The following KCNQ1 variants were observed in gnomAD, a reference collection of about 807,000 sequenced individuals.
The protein encoded by KCNQ1 is potassium voltage-gated channel subfamily Q member 1.
Under a neutral mutation model 72.4 loss-of-function variants are expected in KCNQ1, and 49 were observed. The observed-to-expected ratio is 0.68, with a 90% CI of 0.54 to 0.86. KCNQ1 has a LOEUF of 0.86. KCNQ1 is among the 40% of genes least tolerant of loss of function. KCNQ1 has a pLI of 0.00. For missense variants in KCNQ1, 790 were observed against 945.1 expected (o/e 0.84, Z 2.15); for synonymous variants, 450 against 412.6 (o/e 1.09, Z -1.10).
At chr11:2,757,959 C>T (rs1846331459) in intron 11 of KCNQ1, among the ~76,000 whole-genome samples, 1 of 23,070 alleles carries the variant, frequency 4.3e-5, no homozygotes. Context: ...ACTCTGAAAC[C>T]TTTAGAAAAA....
intron 10 of KCNQ1, among the ~76,000 whole-genome samples, chr11:2,607,354 C>T (rs1208528593): frequency 2.0e-5 from 3 of 152,090 alleles, no homozygotes; most frequent in Non-Finnish European, 4.4e-5. Flanking sequence ...TCATTAATTG[C>T]TATAGACTGA....
intron 15 of KCNQ1, among the ~76,000 whole-genome samples, chr11:2,812,039 C>T (rs2134041248): frequency 6.6e-6 from 1 of 152,226 alleles, no homozygotes; most frequent in Non-Finnish European, 1.5e-5. Context: ...CGCCGGCCAC[C>T]CCTCAGCCCA....
At chr11:2,758,772 T>G (rs1457690330) in intron 11 of KCNQ1, among the ~76,000 whole-genome samples, 1 of 152,170 alleles carries the variant, frequency 6.6e-6, no homozygotes, top group Non-Finnish European at 1.5e-5. Flanking sequence ...ACGGGAATTG[T>G]GCTGAGGAGA....
rs1372603442 is a variant in KCNQ1, at chr11:2,482,718, A to AATAGAAT, written c.386+37237_386+37243dup. On this transcript the variant is annotated intron_variant, in intron 1 of 15. Coordinates refer to ENST00000155840, the MANE Select transcript of KCNQ1 (RefSeq NM_000218.3). The surrounding 1 kb of genome is among the most constrained non-coding windows in gnomAD (Gnocchi z 5.7). ...AACACTGCCATTATGATGAAGCAAA[A>AATAGAAT]ATAGAATATCCTTCCTCCTCTTAGT... is the stretch of plus-strand genomic sequence containing the variant. Among the ~76,000 whole-genome samples, 8 of 152,140 alleles carry AATAGAAT rather than the reference A, an allele frequency of 5.3e-5. No homozygotes were observed. Among genetic ancestry groups the AATAGAAT allele is most frequent in the African/African-American group, 1.9e-4 (8 of 41,416 alleles).
chr11:2,665,377 G>T (rs1356748300), intron 11 of KCNQ1: 2 of 398,018 alleles, frequency 5.0e-6, no homozygotes, highest in Non-Finnish European at 8.8e-6. Context: ...GACAAGAGGA[G>T]CCCTGTACCC....
Position 2,791,176 on chromosome 11 carries a change from G to C in KCNQ1, c.1794+13139G>C, listed in dbSNP as rs1290091255. ...ACTGCTTCAGAGAGAGGCTGGGATA[G>C]GACAGCAGGCGGCAGGGGCGTGTCA... On this transcript the variant is annotated intron_variant, in intron 15 of 15. Coordinates refer to ENST00000155840, the MANE Select transcript of KCNQ1 (RefSeq NM_000218.3). Among the ~76,000 whole-genome samples, 3 of 152,266 alleles carry C rather than the reference G, an allele frequency of 2.0e-5. No individual in the cohort carries two copies. In the East Asian group the frequency reaches 5.8e-4, roughly 29 times the overall value.
rs1847539997 is a variant in KCNQ1 at position 2,813,655 on chromosome 11, C to G, written c.1795-34112C>G. On this transcript the variant is annotated intron_variant, in intron 15 of 15. Coordinates refer to ENST00000155840, the MANE Select transcript of KCNQ1 (RefSeq NM_000218.3). This position sits in a 1 kb window ranked among gnomAD's most constrained non-coding sequence, Gnocchi z 4.4. ...GACCAACATCTCGGCTGATCCTGGT[C>G]TATTTTTAGTCGGTGGTGGGCTGTC... 6.6e-6 allele frequency among the ~76,000 whole-genome samples: 1 copy of G among 152,036 alleles called. No homozygotes were observed. Among genetic ancestry groups the G allele is most frequent in the African/African-American group, 2.4e-5 (1 of 41,402 alleles).
chr11:2,473,680 A>G lies in KCNQ1; in HGVS notation c.386+28196A>G, dbSNP rs1846526396. Among the ~76,000 whole-genome samples, 1 of 152,214 alleles carries G rather than the reference A, an allele frequency of 6.6e-6. No individual in the cohort carries two copies. Among genetic ancestry groups the G allele is most frequent in the Non-Finnish European group, 1.5e-5 (1 of 68,014 alleles). Reference sequence around the variant, plus strand: ...TGGCCTGGCCTGGCGCGGGGCTGCCAGCCAAGAGCCTTCCTCCATCCCATT... The same window carrying G: ...TGGCCTGGCCTGGCGCGGGGCTGCCGGCCAAGAGCCTTCCTCCATCCCATT... On this transcript the variant is annotated intron_variant, in intron 1 of 15. Transcript: ENST00000155840. The surrounding 1 kb of genome is among the most constrained non-coding windows in gnomAD (Gnocchi z 6.0).
chr11:2,795,185 C>A lies in KCNQ1; in HGVS notation c.1794+17148C>A, dbSNP rs553938350. On this transcript the variant is annotated intron_variant, in intron 15 of 15. Transcript: ENST00000155840. ...CAGTCTCCGCATCTCGCCTCCCCTA[C>A]CCCCGACCTCTCGGGTGCTGTAGGG... Among the ~76,000 whole-genome samples the A allele has an allele frequency of 7.5e-4, 115 of 152,334 alleles. 1 individual carries two copies. In the East Asian group the frequency reaches 0.016, roughly 22 times the overall value.
At position 2,662,815 on chromosome 11, in the gene KCNQ1, C is replaced by T. The variant is rs562420571; in HGVS notation, c.1514+734C>T. 2.4e-3 allele frequency: 975 copies of T among 398,896 alleles called. 3 individuals carry two copies. The highest frequency in any genetic ancestry group is 3.4e-3 in the Non-Finnish European group (762 of 226,274). 24.7% of individuals were successfully genotyped at this position (398,896 alleles called of 1,614,324 possible). A position where few individuals can be genotyped will look rare whatever the true frequency, so the allele number is the denominator to read the frequency against. ...TGTGTCAAGATCTGTGAGTGACACT[C>T]GCGGCCCTTCTGAGGGTCACTTGTG... On this transcript the variant is annotated intron_variant, in intron 11 of 15. Coordinates refer to ENST00000155840, the MANE Select transcript of KCNQ1 (RefSeq NM_000218.3).
Position 2,768,732 on chromosome 11 carries a change from C to A in KCNQ1, c.1515-112C>A. The A allele has an allele frequency of 1.2e-6, 1 of 846,776 alleles. No individual in the cohort carries two copies. Among genetic ancestry groups the A allele is most frequent in the East Asian group, 2.5e-5 (1 of 39,972 alleles). 52.5% of individuals were successfully genotyped at this position (846,776 alleles called of 1,614,324 possible). A position where few individuals can be genotyped will look rare whatever the true frequency, so the allele number is the denominator to read the frequency against. On this transcript the variant is annotated intron_variant, in intron 11 of 15. Transcript: ENST00000155840. This position sits in a 1 kb window ranked among gnomAD's most constrained non-coding sequence, Gnocchi z 6.7. ...TCCATCCCATGGAGTTGAACACTCT[C>A]CTTGTTTCTGGAAGGATCCAGTCTG...
rs930667142 is a variant in KCNQ1, at chr11:2,688,199, G to C, written c.1514+26118G>C. ...GCTCCCAAGCAAGGGGGCAGGAGGG[G>C]CTGCACTGAGCCCACCAAAGGTTGT... On this transcript the variant is annotated intron_variant, in intron 11 of 15. Transcript: ENST00000155840. 6.0e-5 allele frequency: 24 copies of C among 398,692 alleles called. No homozygotes were observed. The Admixed American group carries it at 1.0e-3, about 17-fold the overall frequency. 24.7% of individuals were successfully genotyped at this position (398,692 alleles called of 1,614,324 possible). A position where few individuals can be genotyped will look rare whatever the true frequency, so the allele number is the denominator to read the frequency against.
chr11:2,797,783 C>G (rs1590095444), intron 15 of KCNQ1, among the ~76,000 whole-genome samples: 2 of 152,142 alleles, frequency 1.3e-5, no homozygotes, highest in Admixed American at 6.5e-5. Context: ...GGGAGCCTGC[C>G]TCACCCTGAC....
intron 15 of KCNQ1, among the ~76,000 whole-genome samples, chr11:2,795,377 G>A (rs189092484): frequency 1.8e-4 from 28 of 152,308 alleles, no homozygotes; most frequent in African/African-American, 4.3e-4. Flanking sequence ...ATCCCACTTC[G>A]TTTCTCTCTT....
chr11:2,604,346 C>A (rs560870330), intron 10 of KCNQ1, among the ~76,000 whole-genome samples: 1 of 151,330 alleles, frequency 6.6e-6, no homozygotes, highest in Non-Finnish European at 1.5e-5. Context: ...GGCATGGTGG[C>A]AGGTGCCTGT....
At chr11:2,667,934 C>T in intron 11 of KCNQ1, 1 of 398,644 alleles carries the variant, frequency 2.5e-6, no homozygotes, top group Non-Finnish European at 4.4e-6. Context: ...GTGCAGCACC[C>T]GGAGGAAGCA....
rs1200327980 is a variant in KCNQ1, at chr11:2,653,752, G to GC, written c.1394-8207dup. 2.5e-6 allele frequency: 1 copy of GC among 398,510 alleles called. No individual in the cohort carries two copies. The highest frequency in any genetic ancestry group is 4.4e-6 in the Non-Finnish European group (1 of 226,090). 24.7% of individuals were successfully genotyped at this position (398,510 alleles called of 1,614,324 possible). A position where few individuals can be genotyped will look rare whatever the true frequency, so the allele number is the denominator to read the frequency against. Reference sequence around the variant, plus strand: ...AGAATCTAAGGCCAGGTTCTTATTGGCCTCAGCTGGGGTACAAGCCATCCT... The same window carrying GC: ...AGAATCTAAGGCCAGGTTCTTATTGGCCCTCAGCTGGGGTACAAGCCATCCT... On this transcript the variant is annotated intron_variant, in intron 10 of 15. Transcript: ENST00000155840. The surrounding 1 kb of genome is among the most constrained non-coding windows in gnomAD (Gnocchi z 5.3).
chr11:2,588,873 G>T lies in KCNQ1; in HGVS notation c.1393+19G>T, dbSNP rs201053661. ...AGTTCTGGTGAGAACCCCTCAGGCA[G>T]TTGGGGGCCGCGGGGCCGGGAAGGT... On this transcript the variant is annotated intron_variant, in intron 10 of 15. Coordinates refer to ENST00000155840, the MANE Select transcript of KCNQ1 (RefSeq NM_000218.3). This position sits in a 1 kb window ranked among gnomAD's most constrained non-coding sequence, Gnocchi z 5.6. The T allele has an allele frequency of 1.2e-6, 2 of 1,610,788 alleles. No homozygotes were observed. The highest frequency in any genetic ancestry group is 1.1e-5 in the South Asian group (1 of 90,904).
At chr11:2,466,613 C>CCAT (rs1846356090) in intron 1 of KCNQ1, among the ~76,000 whole-genome samples, 1 of 152,188 alleles carries the variant, frequency 6.6e-6, no homozygotes, top group Admixed American at 6.5e-5. Context: ...GGGGGCACAG[C>CCAT]CATCAGCAGG....
Sources: allele counts gnomAD v4.1 joint callset (sites outside exome capture counted in the v4.1 genomes callset), GRCh38; gene constraint gnomAD v4.1.1; non-coding constraint Gnocchi (gnomAD v3.1); transcripts MANE v1.5; gene names NCBI Gene and HGNC (gene_info 2026-07-23, HGNC 2026-07-21).